POLR2E: variants seen among roughly 807,000 people sequenced by gnomAD.
POLR2E encodes RNA polymerase II, I and III subunit E.
In POLR2E, 35 loss-of-function variants were observed where a neutral mutation model predicts 29.8. The observed-to-expected ratio is 1.17, with a 90% CI of 0.90 to 1.55. The LOEUF is 1.55. POLR2E is among the 40% of genes most tolerant of loss of function. POLR2E has a pLI of 0.00. For synonymous variants in POLR2E, 174 were observed against 112.6 expected, an observed-to-expected ratio of 1.55 and a Z score of -3.45; for missense variants, 287 against 288.6, an observed-to-expected ratio of 0.99 and a Z score of 0.04.
intron 2 of POLR2E, among the ~76,000 whole-genome samples, chr19:1,092,609 A>C (rs1361356640): frequency 2.0e-5 from 3 of 151,942 alleles, no homozygotes; most frequent in Non-Finnish European, 4.4e-5. Flanking sequence ...AATGGCGTGA[A>C]CCCGGGAGGC....
chr19:1,089,891 C>G lies in POLR2E; in HGVS notation c.560G>C (p.Arg187Pro), dbSNP rs945424553. ...DPVARYFGIK[R>P]GQVVKIIRPS... ...TCTCCCCACAGGGCTCACCTGCCCA[C>G]GCTTTATCCCAAAGTAGCGCGCCAC... Residue 187 changes from arginine (R) to proline (P), a missense_variant, in exon 6 of 8, where the codon CGT becomes CCT. By Grantham distance (103) the Arg-to-Pro change is moderately radical. Coordinates refer to ENST00000615234, the MANE Select transcript of POLR2E (RefSeq NM_002695.5). The G allele has an allele frequency of 6.2e-7, 1 of 1,611,880 alleles. No homozygotes were observed. Among genetic ancestry groups the G allele is most frequent in the Non-Finnish European group, 8.5e-7 (1 of 1,179,560 alleles).
At chr19:1,090,007 G>T (rs200848019) in intron 5 of POLR2E, 45 bp from the exon 6 acceptor site, 201 of 1,532,970 alleles carry the variant, frequency 1.3e-4, no homozygotes, top group Admixed American at 1.8e-4. Context: ...CCGTTGGGGG[G>T]GCAGGGGTGT....
chr19:1,090,819 G>A (rs2043812920), intron 4 of POLR2E, 89 bp downstream of exon 4: 2 of 1,149,306 alleles, frequency 1.7e-6, no homozygotes, highest in South Asian at 1.4e-5. Flanking sequence ...CACCTGCCCT[G>A]GGCCCCAGAT....
chr19:1,090,554 A>C (rs1196620740), intron 4 of POLR2E, among the ~76,000 whole-genome samples: 1 of 136,466 alleles, frequency 7.3e-6, no homozygotes, highest in Non-Finnish European at 1.5e-5. Flanking sequence ...AGTAGCTGGG[A>C]CTACAGGCGC....
chr19:1,090,950 C>T lies in POLR2E; in HGVS notation c.387G>A (p.Gln129=). 1 of 1,613,732 alleles carries T rather than the reference C, an allele frequency of 6.2e-7. No individual in the cohort carries two copies. The highest frequency in any genetic ancestry group is 8.5e-7 in the Non-Finnish European group (1 of 1,180,004). ...VDMAPKYILE[Q]FLQQELLINI... is the part of the protein sequence containing the mutation. ...TGATGAGCAGCTCCTGCTGCAGAAA[C>T]TGCTCCAGGATGTACTTGGGGGCCA... The change falls in exon 4 of 8, where the codon CAG becomes CAA. Residue 129 remains glutamine, a synonymous_variant. Coordinates refer to ENST00000615234, the MANE Select transcript of POLR2E (RefSeq NM_002695.5).
chr19:1,093,697 G>C lies in POLR2E; in HGVS notation c.232+207C>G, dbSNP rs999612465. 4.4e-6 allele frequency: 6 copies of C among 1,351,288 alleles called. No individual in the cohort carries two copies. In the South Asian group the frequency reaches 5.2e-5, roughly 12 times the overall value. The allele number at this position is 1,351,288 out of a possible 1,614,324, so 83.7% of individuals were successfully genotyped here. The stretch of plus-strand genomic sequence containing the variant: ...TGGCAGGAAGAGAGAAGGGGACTGA[G>C]AGGGAAACTAGAAAGAAGCTGAGCA... On this transcript the variant is annotated intron_variant, in intron 2 of 7. Coordinates refer to ENST00000615234, the MANE Select transcript of POLR2E (RefSeq NM_002695.5).
chr19:1,089,492 C>G lies in POLR2E; in HGVS notation c.627G>C (p.Val209=). The G allele has an allele frequency of 6.2e-7, 1 of 1,613,078 alleles. No individual in the cohort carries two copies. The highest frequency in any genetic ancestry group is 8.5e-7 in the Non-Finnish European group (1 of 1,179,308). ...CTCACCTGTCAGGCGGTAGCTACTGCACCAGCCGGTAGGTGATGTACCTGC... is the reference window on the plus strand; with the variant it reads ...CTCACCTGTCAGGCGGTAGCTACTGGACCAGCCGGTAGGTGATGTACCTGC... ...TAGRYITYRL[V]Q Residue 209 remains valine, a synonymous_variant, in exon 7 of 8, where the codon GTG becomes GTC. Transcript: ENST00000615234.
chr19:1,090,198 T>A, intron 4 of POLR2E, 53 bp from the exon 5 acceptor site: 1 of 1,530,792 alleles, frequency 6.5e-7, no homozygotes, highest in South Asian at 1.1e-5. Context: ...AGACCCCACG[T>A]GGCTCCCAGG....
rs1006201551 is a variant in POLR2E at position 1,087,671 on chromosome 19, G to A, written c.*1064C>T. On this transcript the variant is annotated 3_prime_UTR_variant, in exon 8 of 8. Transcript: ENST00000615234. ...GGCTTGCTTTGGCCAAGACAATTTT[G>A]AAAAAAGTACATTTGGAGAGAAGGG... The A allele has an allele frequency of 6.6e-6, 1 of 150,732 alleles. No individual in the cohort carries two copies. Among genetic ancestry groups the A allele is most frequent in the Admixed American group, 6.7e-5 (1 of 14,860 alleles). The allele number at this position is 150,732 out of a possible 1,614,324, so 9.3% of individuals were successfully genotyped here. A position where few individuals can be genotyped will look rare whatever the true frequency, so the allele number is the denominator to read the frequency against.
At chr19:1,090,807 A>AAC in intron 4 of POLR2E, 101 bp downstream of exon 4, 2 of 1,023,868 alleles carry the variant, frequency 2.0e-6, no homozygotes, top group Non-Finnish European at 2.9e-6. Context: ...CACTAATAGG[A>AAC]ACACCTGCCC....
At chr19:1,089,836 T>C in intron 6 of POLR2E, 48 bp downstream of exon 6, 2 of 1,433,518 alleles carry the variant, frequency 1.4e-6, no homozygotes, top group Non-Finnish European at 9.8e-7. Flanking sequence ...CTTCTCCGAG[T>C]GGTCAGCTCA....
In POLR2E at chr19:1,093,995, C is replaced by T. The variant is rs1329762384; in HGVS notation, c.141G>A (p.Lys47=). 5 of 1,613,734 alleles carry T rather than the reference C, an allele frequency of 3.1e-6. No individual in the cohort carries two copies. The African/African-American group carries it at 6.7e-5, about 22-fold the overall frequency. Residue 47 remains lysine, a synonymous_variant, in exon 2 of 8, where the codon AAG becomes AAA. Transcript: ENST00000615234. ...LEEFKAQSGD[K]PSEGRPRRTD... ...TGCGCCGCGGCCGCCCCTCACTCGG[C>T]TTGTCCCCAGATTGGGCTTTGAACT... is the stretch of plus-strand genomic sequence containing the variant.
chr19:1,091,618 T>C (rs375515054), intron 3 of POLR2E, 174 bp downstream of exon 3: 66 of 598,554 alleles, frequency 1.1e-4, no homozygotes, highest in Middle Eastern at 4.5e-4. Context: ...GTGGGGCCCA[T>C]GGACGCGGTG....
rs138302172 is a variant in POLR2E at position 1,087,504 on chromosome 19, T to A, written c.*1231A>T. The stretch of plus-strand genomic sequence containing the variant: ...AACTAAAACTGTGCACATGACACAC[T>A]CTGTCCCCTCCCTCCTCCCCAGCCC... On this transcript the variant is annotated 3_prime_UTR_variant, in exon 8 of 8. Transcript: ENST00000615234. 956 of 152,232 alleles carry A rather than the reference T, an allele frequency of 6.3e-3. 5 individuals carry two copies. The highest frequency in any genetic ancestry group is 0.012 in the Admixed American group (178 of 15,266). The allele number at this position is 152,232 out of a possible 1,614,324, so 9.4% of individuals were successfully genotyped here.
chr19:1,091,712 C>T (rs941004679), intron 3 of POLR2E, 80 bp downstream of exon 3: 8 of 892,102 alleles, frequency 9.0e-6, no homozygotes, highest in African/African-American at 5.1e-5. Flanking sequence ...GCCCAAGGCA[C>T]GTGGGCCGCC....
At position 1,086,702 on chromosome 19, in the gene POLR2E, G is replaced by A. The variant is rs1178842372; in HGVS notation, c.*2033C>T. The A allele has an allele frequency of 6.6e-6, 1 of 151,874 alleles. No individual in the cohort carries two copies. The highest frequency in any genetic ancestry group is 1.5e-5 in the Non-Finnish European group (1 of 67,682). The allele number at this position is 151,874 out of a possible 1,614,324, so 9.4% of individuals were successfully genotyped here. ...AAGCTTAGAAGAAGGGGCCAGGGAG[G>A]GGACAGAGAGAGCCCCGTGGCGTGG... is the stretch of plus-strand genomic sequence containing the variant. On this transcript the variant is annotated 3_prime_UTR_variant, in exon 8 of 8. Coordinates refer to ENST00000615234, the MANE Select transcript of POLR2E (RefSeq NM_002695.5).
intron 6 of POLR2E, 59 bp from the exon 7 acceptor site, chr19:1,089,610 A>G (rs1365076373): frequency 6.9e-7 from 1 of 1,442,694 alleles, no homozygotes; most frequent in African/African-American, 1.4e-5. Flanking sequence ...CAGTCACCAG[A>G]CAGCAGGCGG....
At chr19:1,091,481 A>T in intron 3 of POLR2E, 2 of 432,890 alleles carry the variant, frequency 4.6e-6, no homozygotes, top group Non-Finnish European at 8.6e-6. Flanking sequence ...GCTCAGGATA[A>T]AGAACCTCCG....
Position 1,095,246 on chromosome 19 carries a change from AG to A in POLR2E, c.57+12del. 1 of 1,611,904 alleles carries A rather than the reference AG, an allele frequency of 6.2e-7. No homozygotes were observed. The highest frequency in any genetic ancestry group is 8.5e-7 in the Non-Finnish European group (1 of 1,179,150). On this transcript the variant is annotated intron_variant, in intron 1 of 7. Coordinates refer to ENST00000615234, the MANE Select transcript of POLR2E (RefSeq NM_002695.5). Reference sequence around the variant, plus strand: ...CGCCCGCGCCCCCGCCCCCAACACCAGGCGCGGCTCACCTGCATGATGGTCT... The same window carrying A: ...CGCCCGCGCCCCCGCCCCCAACACCAGCGCGGCTCACCTGCATGATGGTCT...
Sources: allele counts gnomAD v4.1 joint callset (sites outside exome capture counted in the v4.1 genomes callset), GRCh38; gene constraint gnomAD v4.1.1; transcripts MANE v1.5; gene names NCBI Gene and HGNC (gene_info 2026-07-23, HGNC 2026-07-21).